Variants in SCLT1 observed in about 807,000 individuals in gnomAD.
SCLT1 encodes the protein sodium channel and clathrin linker 1.
SCLT1 carries 78 observed loss-of-function variants against 112.8 expected under a neutral mutation model. The ratio of observed to expected loss-of-function variants is 0.69; its 90% CI spans 0.58 to 0.83. The LOEUF (loss-of-function observed/expected upper bound fraction) is 0.83, where lower values mean the gene tolerates loss of function less well. Ranked by LOEUF, SCLT1 falls within the 40% of genes least tolerant of loss-of-function variation. The pLI, the probability that SCLT1 is intolerant of heterozygous loss-of-function variation, is 0.00. For synonymous variants in SCLT1, 257 were observed against 254.7 expected (o/e 1.01, Z -0.09); for missense variants, 747 against 770.4 (o/e 0.97, Z 0.36).
At chr4:128,966,246 C>T (rs1327805031) in intron 10 of SCLT1, among the ~76,000 whole-genome samples, 1 of 151,578 alleles carries the variant, frequency 6.6e-6, no homozygotes, top group Non-Finnish European at 1.5e-5. Context: ...ACTATAGATG[C>T]ACACCACCAT....
chr4:128,941,810 C>A (rs1384243371), intron 17 of SCLT1, among the ~76,000 whole-genome samples: 1 of 152,082 alleles, frequency 6.6e-6, no homozygotes, highest in African/African-American at 2.4e-5. Flanking sequence ...TACAAAGCAG[C>A]TCCAACTAAT....
chr4:128,938,491 C>G (rs1737398557), intron 17 of SCLT1, among the ~76,000 whole-genome samples: 1 of 152,258 alleles, frequency 6.6e-6, no homozygotes, highest in East Asian at 1.9e-4. Context: ...CTGTGCAAGC[C>G]TCCTGAGGCC....
At chr4:129,003,332 T>C (rs572373210) in intron 6 of SCLT1, among the ~76,000 whole-genome samples, 1 of 150,874 alleles carries the variant, frequency 6.6e-6, no homozygotes, top group East Asian at 2.0e-4. Context: ...ATACCTAACA[T>C]AGATGATGGG....
intron 18 of SCLT1, among the ~76,000 whole-genome samples, chr4:128,932,993 G>GA (rs1431443597): frequency 3.3e-5 from 5 of 152,138 alleles, no homozygotes; most frequent in African/African-American, 1.2e-4. Flanking sequence ...ATGAACTGAA[G>GA]AAATTAATAT....
At chr4:129,057,236 A>G (rs1373266729) in intron 2 of SCLT1, among the ~76,000 whole-genome samples, 1 of 151,984 alleles carries the variant, frequency 6.6e-6, no homozygotes, top group African/African-American at 2.4e-5. Flanking sequence ...TTTTCCAATT[A>G]TTTTGTTGAA....
At chr4:128,891,588 C>T (rs911154408) in intron 18 of SCLT1, among the ~76,000 whole-genome samples, 16 of 150,396 alleles carry the variant, frequency 1.1e-4, no homozygotes, top group African/African-American at 3.9e-4. Flanking sequence ...TAAAAAGATA[C>T]AGTATTTATT....
intron 2 of SCLT1, among the ~76,000 whole-genome samples, chr4:129,054,433 A>G (rs1749156152): frequency 6.6e-6 from 1 of 152,042 alleles, no homozygotes; most frequent in South Asian, 2.1e-4. Flanking sequence ...TATTTCTTGG[A>G]GGCTTTGGTC....
intron 5 of SCLT1, among the ~76,000 whole-genome samples, chr4:129,005,720 T>A (rs1016049423): frequency 5.3e-5 from 8 of 151,608 alleles, no homozygotes; most frequent in African/African-American, 1.7e-4. Context: ...TGCACACGTA[T>A]GTTTATTGCG....
chr4:129,053,126 C>T (rs895051793), intron 2 of SCLT1, among the ~76,000 whole-genome samples: 2 of 152,122 alleles, frequency 1.3e-5, no homozygotes, highest in African/African-American at 4.8e-5. Context: ...TTTGAATTTG[C>T]TGAGGAGTGT....
At chr4:129,048,987 C>T in intron 2 of SCLT1, among the ~76,000 whole-genome samples, 1 of 151,764 alleles carries the variant, frequency 6.6e-6, no homozygotes, top group Non-Finnish European at 1.5e-5. Context: ...ACAACAGGTG[C>T]TGGAGAGGAT....
intron 4 of SCLT1, among the ~76,000 whole-genome samples, chr4:129,042,451 T>C (rs1747781780): frequency 6.6e-6 from 1 of 152,112 alleles, no homozygotes; most frequent in South Asian, 2.1e-4. Context: ...GATAATCCAT[T>C]CTGCAAGTAA....
chr4:129,054,487 A>G (rs964069502), intron 2 of SCLT1, among the ~76,000 whole-genome samples: 13 of 151,876 alleles, frequency 8.6e-5, no homozygotes, highest in African/African-American at 3.1e-4. Context: ...TCTATGCCTT[A>G]TTTCAGTAAG....
intron 5 of SCLT1, among the ~76,000 whole-genome samples, chr4:129,029,540 G>A (rs558985224): frequency 6.7e-6 from 1 of 148,300 alleles, no homozygotes. Flanking sequence ...GGTGGAGGGA[G>A]GGGGGAGGGA....
At chr4:128,880,869 T>C (rs1317320919), downstream of SCLT1, among the ~76,000 whole-genome samples, 2 of 152,150 alleles carry the variant, frequency 1.3e-5, no homozygotes, top group Non-Finnish European at 2.9e-5. Flanking sequence ...GGGTACATAG[T>C]TTGAAGCCGT....
intron 3 of SCLT1, among the ~76,000 whole-genome samples, chr4:128,878,673 T>G (rs889104176): frequency 6.6e-6 from 1 of 152,186 alleles, no homozygotes; most frequent in Admixed American, 6.5e-5. Context: ...CTAAACACAA[T>G]TTAACATTTT....
chr4:128,875,303 A>ACTGT (rs1732483863), intron 4 of SCLT1: 2 of 152,632 alleles, frequency 1.3e-5, no homozygotes, highest in African/African-American at 4.8e-5. Context: ...TCAGTTGTTT[A>ACTGT]CTGTCTTCCA....
intron 5 of SCLT1, among the ~76,000 whole-genome samples, chr4:129,026,004 C>A (rs1746030932): frequency 3.3e-5 from 5 of 152,138 alleles, no homozygotes; most frequent in Admixed American, 1.3e-4. Flanking sequence ...AGCTAACTAT[C>A]CTAAATATAT....
At chr4:129,072,537 C>G (rs140690682) in intron 2 of SCLT1, among the ~76,000 whole-genome samples, 5 of 152,012 alleles carry the variant, frequency 3.3e-5, no homozygotes, top group Non-Finnish European at 7.4e-5. Context: ...TGGGTTAATT[C>G]GAAGACCTTG....
chr4:128,881,787 T>C (rs184349620), downstream of SCLT1, among the ~76,000 whole-genome samples: 78 of 152,316 alleles, frequency 5.1e-4, no homozygotes, highest in South Asian at 8.7e-3. Context: ...ACTACATTTT[T>C]ACATTGGAAA....
Sources: gnomAD v4.1 joint callset for allele counts (sites outside exome capture counted in the v4.1 genomes callset) on GRCh38, gnomAD v4.1.1 for gene constraint, MANE v1.5 for transcripts, NCBI Gene and HGNC (gene_info 2026-07-23, HGNC 2026-07-21) for gene names.